The following SEMA3D variants were observed in gnomAD, a reference collection of about 807,000 sequenced individuals.
The protein encoded by SEMA3D is semaphorin-3D.
In SEMA3D, 84 loss-of-function variants were observed where a neutral mutation model predicts 100.1. That is an observed-to-expected ratio of 0.84 (90% CI 0.70 to 1.01). The LOEUF (loss-of-function observed/expected upper bound fraction) is 1.01. Among genes scored for constraint, SEMA3D ranks in the 50% least tolerant of loss-of-function variants. SEMA3D has a pLI of 0.00. For synonymous variants in SEMA3D, 312 were observed against 320.7 expected (o/e 0.97, Z 0.29); for missense variants, 875 against 934.1 (o/e 0.94, Z 0.82).
chr7:85,182,061 G>A (rs1055286694), intron 1 of SEMA3D, among the ~76,000 whole-genome samples: 1 of 151,850 alleles, frequency 6.6e-6, no homozygotes, highest in African/African-American at 2.4e-5. Context: ...GTATTTCTTG[G>A]TTATGGTGAA....
At chr7:85,220,441 T>C in the SEMA3D span, among the ~76,000 whole-genome samples, 164 of 151,984 alleles carry the variant, frequency 1.1e-3, no homozygotes, top group African/African-American at 3.6e-3. Context: ...TGGCACTCTG[T>C]CCTCTCCCAT....
intron 18 of SEMA3D, among the ~76,000 whole-genome samples, chr7:85,002,952 A>G (rs1387809781): frequency 6.6e-6 from 1 of 152,098 alleles, no homozygotes; most frequent in Non-Finnish European, 1.5e-5. Context: ...TTTCATAGTA[A>G]AACCACTGCA....
At chr7:85,228,557 G>A in the SEMA3D span, among the ~76,000 whole-genome samples, 1 of 151,976 alleles carries the variant, frequency 6.6e-6, no homozygotes, top group Non-Finnish European at 1.5e-5. Context: ...TGCCCTCCAG[G>A]CCATAGAGTC....
intron 2 of SEMA3D, among the ~76,000 whole-genome samples, chr7:85,138,718 G>T (rs1039752008): frequency 6.7e-6 from 1 of 149,822 alleles, no homozygotes; most frequent in African/African-American, 2.5e-5. Flanking sequence ...GAATGTGCAG[G>T]TGGGTTACAT....
intron 6 of SEMA3D, 23 bp downstream of exon 6, chr7:85,072,939 T>C: frequency 1.9e-6 from 3 of 1,565,178 alleles, no homozygotes; most frequent in Non-Finnish European, 2.6e-6. Context: ...AATTATGCTT[T>C]TCATGCTTTT....
intron 2 of SEMA3D, among the ~76,000 whole-genome samples, chr7:85,125,657 C>T (rs1368503461): frequency 6.6e-6 from 1 of 151,990 alleles, no homozygotes; most frequent in Non-Finnish European, 1.5e-5. Flanking sequence ...TCTACTGGTC[C>T]TGATTCTTTG....
the SEMA3D span, among the ~76,000 whole-genome samples, chr7:85,249,665 T>C: frequency 2.0e-3 from 308 of 152,308 alleles, 8 homozygotes; most frequent in Non-Finnish European, 4.3e-4. Context: ...CTCATATTAG[T>C]GAACACGTGT....
the SEMA3D span, among the ~76,000 whole-genome samples, chr7:85,203,255 A>C: frequency 1.3e-5 from 2 of 152,208 alleles, no homozygotes; most frequent in Admixed American, 1.3e-4. Flanking sequence ...TTCTGTCTTA[A>C]TTTATTGTAA....
intron 1 of SEMA3D, among the ~76,000 whole-genome samples, chr7:85,179,920 C>G (rs1791353244): frequency 6.6e-6 from 1 of 152,194 alleles, no homozygotes; most frequent in Non-Finnish European, 1.5e-5. Context: ...CTCAGCCTCC[C>G]AAAGTGCTGG....
chr7:85,098,286 A>C (rs1008716505), intron 3 of SEMA3D, among the ~76,000 whole-genome samples: 2 of 151,802 alleles, frequency 1.3e-5, no homozygotes, highest in Admixed American at 1.3e-4. Context: ...CCTTAACACA[A>C]TATTTATGTG....
chr7:85,031,859 A>T (rs1401895442), intron 12 of SEMA3D, among the ~76,000 whole-genome samples: 1 of 151,992 alleles, frequency 6.6e-6, no homozygotes, highest in African/African-American at 2.4e-5. Flanking sequence ...TTATATAAAC[A>T]AAAATTACTG....
At chr7:85,152,369 T>C (rs1021402268) in intron 2 of SEMA3D, among the ~76,000 whole-genome samples, 1 of 152,132 alleles carries the variant, frequency 6.6e-6, no homozygotes, top group Non-Finnish European at 1.5e-5. Context: ...TTAAATTATA[T>C]GGTAGTCAAA....
At chr7:85,172,082 C>A (rs1379084517) in intron 1 of SEMA3D, among the ~76,000 whole-genome samples, 1 of 151,710 alleles carries the variant, frequency 6.6e-6, no homozygotes, top group Admixed American at 6.6e-5. Context: ...AGAAAGAGTA[C>A]AAGAAACATT....
chr7:85,100,212 G>A (rs1788704086), intron 3 of SEMA3D, among the ~76,000 whole-genome samples: 1 of 151,770 alleles, frequency 6.6e-6, no homozygotes. Context: ...TACAAATGAA[G>A]CTCTTTAATC....
chr7:85,029,773 G>T (rs778138560), intron 12 of SEMA3D: 2 of 233,666 alleles, frequency 8.6e-6, no homozygotes, highest in Admixed American at 5.2e-5. Flanking sequence ...AAATTCTATG[G>T]CAGTTTTACG....
intron 9 of SEMA3D, among the ~76,000 whole-genome samples, chr7:85,050,983 T>G (rs879567017): frequency 5.3e-5 from 8 of 151,968 alleles, no homozygotes; most frequent in Non-Finnish European, 1.0e-4. Context: ...GTGTGATTTT[T>G]GGGATTAAAT....
intron 13 of SEMA3D, among the ~76,000 whole-genome samples, chr7:85,020,699 C>T (rs1562785623): frequency 6.6e-6 from 1 of 151,278 alleles, no homozygotes; most frequent in Non-Finnish European, 1.5e-5. Flanking sequence ...CTCTTCCTTC[C>T]ATGTAATATA....
the SEMA3D span, among the ~76,000 whole-genome samples, chr7:85,247,675 A>G: frequency 6.6e-6 from 1 of 152,136 alleles, no homozygotes; most frequent in East Asian, 1.9e-4. Flanking sequence ...AATCAAGGCA[A>G]CGTAACATTG....
chr7:85,242,546 CATT>C, the SEMA3D span, among the ~76,000 whole-genome samples: 3 of 152,204 alleles, frequency 2.0e-5, no homozygotes, highest in East Asian at 1.9e-4. Context: ...TTAGAGCAAA[CATT>C]GTTGTTTAGT....
Sources: allele counts gnomAD v4.1 joint callset (sites outside exome capture counted in the v4.1 genomes callset), GRCh38; gene constraint gnomAD v4.1.1; transcripts MANE v1.5; gene names NCBI Gene and HGNC (gene_info 2026-07-23, HGNC 2026-07-21).